Variants in PCMTD1 observed in about 807,000 individuals in gnomAD.
PCMTD1 encodes protein-L-isoaspartate (D-aspartate) O-methyltransferase domain containing 1, also known as protein-L-isoaspartate O-methyltransferase domain-containing protein 1.
In PCMTD1, 12 loss-of-function variants were observed where a neutral mutation model predicts 37.6. The observed-to-expected ratio is 0.32, with a 90% CI of 0.20 to 0.52. The LOEUF is 0.52. Ranked by LOEUF, PCMTD1 falls within the 20% of genes least tolerant of loss-of-function variation. PCMTD1 has a pLI of 0.97. For synonymous variants in PCMTD1, 117 were observed against 135.8 expected (o/e 0.86, Z 0.96); for missense variants, 235 against 421.3 (o/e 0.56, Z 3.87).
chr8:51,869,696 A>G (rs1156853906), intron 1 of PCMTD1, among the ~76,000 whole-genome samples: 1 of 152,168 alleles, frequency 6.6e-6, no homozygotes, highest in African/African-American at 2.4e-5. Flanking sequence ...AAAGACGAAA[A>G]AGGTAAATAT....
At chr8:51,833,817 T>G in intron 3 of PCMTD1, 128 bp from the exon 4 acceptor site, 1 of 577,514 alleles carries the variant, frequency 1.7e-6, no homozygotes, top group East Asian at 3.2e-5. Flanking sequence ...GATTATAAAC[T>G]TTATTTAAAT....
At chr8:51,892,512 T>C (rs554022389) in intron 1 of PCMTD1, among the ~76,000 whole-genome samples, 19 of 152,372 alleles carry the variant, frequency 1.2e-4, no homozygotes, top group African/African-American at 4.6e-4. Flanking sequence ...AAAAAGCCCA[T>C]TTCAGCTTTC....
intron 1 of PCMTD1, among the ~76,000 whole-genome samples, chr8:51,889,082 C>G (rs2038902872): frequency 6.6e-6 from 1 of 152,174 alleles, no homozygotes; most frequent in African/African-American, 2.4e-5. Context: ...ATTCTCCTTG[C>G]TTTTCCTAGG....
chr8:51,898,461 C>A (rs1183465743), intron 1 of PCMTD1, among the ~76,000 whole-genome samples: 1 of 152,080 alleles, frequency 6.6e-6, no homozygotes, highest in Non-Finnish European at 1.5e-5. Flanking sequence ...AGACTGGATT[C>A]TCTGCCTCCA....
intron 1 of PCMTD1, among the ~76,000 whole-genome samples, chr8:51,873,891 GTAT>G (rs2038674439): frequency 6.6e-6 from 1 of 151,402 alleles, no homozygotes; most frequent in African/African-American, 2.4e-5. Flanking sequence ...CCAGGCTCAG[GTAT>G]TTCTTTTTTT....
intron 1 of PCMTD1, among the ~76,000 whole-genome samples, chr8:51,865,145 T>C (rs1585831050): frequency 6.6e-6 from 1 of 151,998 alleles, no homozygotes; most frequent in Non-Finnish European, 1.5e-5. Flanking sequence ...ACAGAAAATC[T>C]GAACAAACCA....
At chr8:51,884,424 T>C (rs1390899073) in intron 1 of PCMTD1, among the ~76,000 whole-genome samples, 2 of 152,240 alleles carry the variant, frequency 1.3e-5, no homozygotes, top group African/African-American at 4.8e-5. Flanking sequence ...TCATTTTACC[T>C]AAAAGAAAAG....
intron 1 of PCMTD1, among the ~76,000 whole-genome samples, chr8:51,891,399 GA>G: frequency 6.6e-6 from 1 of 151,780 alleles, no homozygotes; most frequent in South Asian, 2.1e-4. Flanking sequence ...AAAAATGAAA[GA>G]AAAAAACAAT....
intron 2 of PCMTD1, among the ~76,000 whole-genome samples, chr8:51,847,649 TAA>T (rs1471249723): frequency 6.6e-6 from 1 of 151,800 alleles, no homozygotes; most frequent in Non-Finnish European, 1.5e-5. Flanking sequence ...AAAAATGAAA[TAA>T]AACTACACTT....
chr8:51,867,761 G>T (rs1281438573), intron 1 of PCMTD1, among the ~76,000 whole-genome samples: 1 of 151,878 alleles, frequency 6.6e-6, no homozygotes, highest in Admixed American at 6.6e-5. Context: ...AACCTAAAAT[G>T]GTTAAACTTA....
chr8:51,818,469 A>T lies in PCMTD1; in HGVS notation c.*1882T>A, dbSNP rs2037794014. On this transcript the variant is annotated 3_prime_UTR_variant, in exon 6 of 6. Coordinates refer to ENST00000522514, the MANE Select transcript of PCMTD1 (RefSeq NM_052937.4). ...ACAGATAACTTTCTCCAGGTTTTCC[A>T]GATAAAAACATGTGGTCACCAGGAA... 6.6e-6 allele frequency: 1 copy of T among 152,338 alleles called. No homozygotes were observed. The highest frequency in any genetic ancestry group is 2.1e-4 in the South Asian group (1 of 4,840). The allele number at this position is 152,338 out of a possible 1,614,324, so 9.4% of individuals were successfully genotyped here.
chr8:51,884,254 A>G (rs557932912), intron 1 of PCMTD1, among the ~76,000 whole-genome samples: 4 of 152,300 alleles, frequency 2.6e-5, no homozygotes, highest in Non-Finnish European at 4.4e-5. Context: ...TGTGGTAAAA[A>G]CAAGCAGTGC....
intron 1 of PCMTD1, among the ~76,000 whole-genome samples, chr8:51,862,467 AACATAAT>A (rs1349311430): frequency 6.6e-6 from 1 of 152,238 alleles, no homozygotes; most frequent in African/African-American, 2.4e-5. Context: ...AAAATTTCAA[AACATAAT>A]ACTGAATATA....
chr8:51,867,649 A>G (rs946797636), intron 1 of PCMTD1, among the ~76,000 whole-genome samples: 1 of 152,042 alleles, frequency 6.6e-6, no homozygotes, highest in Non-Finnish European at 1.5e-5. Flanking sequence ...GTCATTTGCA[A>G]TAACATGTAT....
At chr8:51,892,237 A>G (rs1309354509) in intron 1 of PCMTD1, among the ~76,000 whole-genome samples, 26 of 152,232 alleles carry the variant, frequency 1.7e-4, no homozygotes, top group Non-Finnish European at 2.9e-5. Flanking sequence ...TAGGTTTCCT[A>G]CGTTAAATAT....
upstream of PCMTD1, chr8:51,899,038 G>A: frequency 6.6e-7 from 1 of 1,509,802 alleles, no homozygotes; most frequent in South Asian, 1.2e-5. Flanking sequence ...CCGCCGAGTG[G>A]AGAGGCGGGG....
intron 1 of PCMTD1, among the ~76,000 whole-genome samples, chr8:51,893,237 G>A (rs1376354058): frequency 1.1e-4 from 16 of 152,056 alleles, no homozygotes; most frequent in Admixed American, 1.0e-3. Context: ...ACTTTATAAA[G>A]CAAGAATTAA....
chr8:51,845,505 C>T, intron 3 of PCMTD1, 156 bp downstream of exon 3: 1 of 526,966 alleles, frequency 1.9e-6, no homozygotes, highest in South Asian at 3.0e-5. Context: ...AAAAGTTATA[C>T]CACAGAATAA....
intron 1 of PCMTD1, among the ~76,000 whole-genome samples, chr8:51,862,355 CAT>C (rs200581156): frequency 9.9e-4 from 139 of 139,966 alleles, no homozygotes; most frequent in Non-Finnish European, 1.5e-3. Context: ...GTTTTATACA[CAT>C]ACACACACAC....
Sources: gnomAD v4.1 joint callset for allele counts (sites outside exome capture counted in the v4.1 genomes callset) on GRCh38, gnomAD v4.1.1 for gene constraint, MANE v1.5 for transcripts, NCBI Gene and HGNC (gene_info 2026-07-23, HGNC 2026-07-21) for gene names.